LRRC49: variants seen among roughly 807,000 people sequenced by gnomAD.
LRRC49 encodes leucine rich repeat containing 49, also known as leucine-rich repeat-containing protein 49.
Under a neutral mutation model 83.3 loss-of-function variants are expected in LRRC49, and 50 were observed. The ratio of observed to expected loss-of-function variants is 0.60; its 90% CI spans 0.48 to 0.76. The LOEUF is 0.76. LRRC49 is among the 30% of genes least tolerant of loss of function. The pLI is 0.00. For synonymous variants in LRRC49, 286 were observed against 283.3 expected, an observed-to-expected ratio of 1.01 and a Z score of -0.10; for missense variants, 704 against 809.1, an observed-to-expected ratio of 0.87 and a Z score of 1.58.
intron 9 of LRRC49, among the ~76,000 whole-genome samples, chr15:70,977,535 C>T (rs907694568): frequency 6.6e-6 from 1 of 152,086 alleles, no homozygotes; most frequent in African/African-American, 2.4e-5. Context: ...ATCCCAGCTT[C>T]TTGGGAGGCT....
At chr15:70,899,092 G>A (rs574748465) in intron 3 of LRRC49, among the ~76,000 whole-genome samples, 56 of 152,220 alleles carry the variant, frequency 3.7e-4, no homozygotes, top group Non-Finnish European at 7.5e-4. Flanking sequence ...TGACTTCTGT[G>A]TATTAAAAGA....
intron 8 of LRRC49, among the ~76,000 whole-genome samples, chr15:70,944,707 A>G (rs2035947462): frequency 1.3e-5 from 2 of 152,038 alleles, no homozygotes; most frequent in Non-Finnish European, 2.9e-5. Flanking sequence ...GCCCGGCCTA[A>G]ATGTCCATAT....
At chr15:70,864,721 G>A (rs1345769950) in intron 1 of LRRC49, among the ~76,000 whole-genome samples, 1 of 152,120 alleles carries the variant, frequency 6.6e-6, no homozygotes, top group Non-Finnish European at 1.5e-5. Flanking sequence ...TTTAGTGTAC[G>A]GGACATTCAA....
At chr15:70,913,128 A>G (rs1003214084) in intron 6 of LRRC49, among the ~76,000 whole-genome samples, 13 of 152,224 alleles carry the variant, frequency 8.5e-5, no homozygotes, top group African/African-American at 3.1e-4. Flanking sequence ...TGCAGAATGT[A>G]AAGTCTCTTC....
intron 8 of LRRC49, among the ~76,000 whole-genome samples, chr15:70,946,519 T>TG (rs2036013660): frequency 6.6e-6 from 1 of 152,146 alleles, no homozygotes; most frequent in Non-Finnish European, 1.5e-5. Flanking sequence ...TGATTCCATA[T>TG]CTTGGTTATT....
chr15:70,881,770 T>G (rs948625215), intron 2 of LRRC49: 2 of 152,242 alleles, frequency 1.3e-5, no homozygotes, highest in African/African-American at 4.8e-5. Context: ...TCTAAATTAA[T>G]CAAGCTAATT....
chr15:70,951,255 C>T (rs2036206668), intron 8 of LRRC49, among the ~76,000 whole-genome samples: 2 of 151,844 alleles, frequency 1.3e-5, no homozygotes, highest in African/African-American at 4.8e-5. Context: ...TCTTTTGGTT[C>T]CTCCATATAG....
At chr15:70,893,792 C>A in intron 2 of LRRC49, 152 bp downstream of exon 2, 1 of 608,776 alleles carries the variant, frequency 1.6e-6, no homozygotes, top group East Asian at 3.0e-5. Flanking sequence ...TACTTTCTGC[C>A]TACATAAAGC....
intron 14 of LRRC49, among the ~76,000 whole-genome samples, chr15:71,028,407 T>G (rs2141286063): frequency 6.6e-6 from 1 of 152,258 alleles, no homozygotes; most frequent in South Asian, 2.1e-4. Flanking sequence ...TGAAATTTTC[T>G]TTTTTTGTTG....
intron 2 of LRRC49, chr15:70,894,434 A>C (rs1165292977): frequency 2.9e-6 from 1 of 339,320 alleles, no homozygotes; most frequent in Non-Finnish European, 5.7e-6. Context: ...TTTAGAAGTT[A>C]CGATATGAAT....
chr15:71,030,200 T>G (rs1005309218), intron 14 of LRRC49, among the ~76,000 whole-genome samples: 1 of 152,184 alleles, frequency 6.6e-6, no homozygotes, highest in Non-Finnish European at 1.5e-5. Context: ...TAGGAGCTCT[T>G]GTAAGGCAGG....
Position 70,958,313 on chromosome 15 carries a change from T to C in LRRC49, c.774-5472T>C, listed in dbSNP as rs919017406. On this transcript the variant is annotated intron_variant, in intron 8 of 15. Transcript: ENST00000260382. Reference sequence around the variant, plus strand: ...TTTTTCTAAAATACTATTCTGATCATATTAACTGCCTTGCTTAAAATCCCT... The same window carrying C: ...TTTTTCTAAAATACTATTCTGATCACATTAACTGCCTTGCTTAAAATCCCT... Among the ~76,000 whole-genome samples, 4 of 152,206 alleles carry C rather than the reference T, an allele frequency of 2.6e-5. No individual in the cohort carries two copies. In the East Asian group the frequency reaches 7.7e-4, roughly 29 times the overall value.
chr15:70,967,072 G>A (rs1157496957), intron 9 of LRRC49, among the ~76,000 whole-genome samples: 2 of 152,070 alleles, frequency 1.3e-5, no homozygotes, highest in South Asian at 4.1e-4. Context: ...AGACTTTAAG[G>A]GTGGTAAAGA....
At chr15:70,951,134 C>A (rs2036201561) in intron 8 of LRRC49, among the ~76,000 whole-genome samples, 2 of 152,046 alleles carry the variant, frequency 1.3e-5, no homozygotes, top group Non-Finnish European at 2.9e-5. Flanking sequence ...GTTTTCATAC[C>A]AGTACCATGC....
chr15:71,035,306 C>T (rs778643123), intron 14 of LRRC49, among the ~76,000 whole-genome samples: 23 of 151,538 alleles, frequency 1.5e-4, no homozygotes, highest in Admixed American at 7.2e-4. Flanking sequence ...AAGTTTGCAA[C>T]GAAATATGTC....
At chr15:70,897,816 T>C (rs2033900225) in intron 3 of LRRC49, among the ~76,000 whole-genome samples, 1 of 152,196 alleles carries the variant, frequency 6.6e-6, no homozygotes, top group Non-Finnish European at 1.5e-5. Context: ...TTGTTAAGAG[T>C]TAACCCCTGT....
Position 71,051,983 on chromosome 15 carries a change from G to A in LRRC49, c.*2371G>A, listed in dbSNP as rs1050874135. On this transcript the variant is annotated 3_prime_UTR_variant, in exon 16 of 16. Transcript: ENST00000260382. Reference sequence around the variant, plus strand: ...TTTCTACTTCTTGAATCCTTACTTTGTCGGGTCTCAAACGTCGAATGGCGA... The same window carrying A: ...TTTCTACTTCTTGAATCCTTACTTTATCGGGTCTCAAACGTCGAATGGCGA... 1.3e-5 allele frequency: 2 copies of A among 152,230 alleles called. No homozygotes were observed. Among genetic ancestry groups the A allele is most frequent in the Non-Finnish European group, 2.9e-5 (2 of 68,090 alleles). The allele number at this position is 152,230 out of a possible 1,614,324, so 9.4% of individuals were successfully genotyped here. A position where few individuals can be genotyped will look rare whatever the true frequency, so the allele number is the denominator to read the frequency against.
Position 70,984,261 on chromosome 15 carries a change from T to G in LRRC49, c.1169+4T>G. The G allele has an allele frequency of 3.1e-6, 5 of 1,593,056 alleles. No homozygotes were observed. The highest frequency in any genetic ancestry group is 1.8e-5 in the Admixed American group (1 of 56,664). On this transcript the variant is annotated splice_donor_region_variant and intron_variant, in intron 11 of 15. Transcript: ENST00000260382. ...CTGCATTCCCAGAGGAAACAGGGTA[T>G]GCAATGGTATTTTTTCAAGATACAA...
intron 1 of LRRC49, among the ~76,000 whole-genome samples, chr15:70,866,339 G>A (rs2032911855): frequency 2.6e-5 from 4 of 151,958 alleles, no homozygotes; most frequent in African/African-American, 9.7e-5. Flanking sequence ...TAGAGATGGG[G>A]TTTCACCATG....
Sources: allele counts gnomAD v4.1 joint callset (sites outside exome capture counted in the v4.1 genomes callset), GRCh38; gene constraint gnomAD v4.1.1; transcripts MANE v1.5; gene names NCBI Gene and HGNC (gene_info 2026-07-23, HGNC 2026-07-21).